LTBP1: variants seen among roughly 807,000 people sequenced by gnomAD.
LTBP1 encodes latent-transforming growth factor beta-binding protein 1.
In LTBP1, 129 loss-of-function variants were observed where a neutral mutation model predicts 207.6. The observed-to-expected ratio is 0.62, with a 90% confidence interval of 0.54 to 0.72. LTBP1 has a LOEUF of 0.72. Among genes scored for constraint, LTBP1 ranks in the 30% least tolerant of loss-of-function variants. LTBP1 has a pLI of 0.00. For synonymous variants in LTBP1, 963 were observed against 833.7 expected (o/e 1.16, Z -2.67); for missense variants, 2,281 against 2,217.2 (o/e 1.03, Z -0.58).
rs550238941 is a variant in LTBP1, at chr2:33,039,075, C to A, written c.863+17869C>A. On this transcript the variant is annotated intron_variant, in intron 3 of 33. Coordinates refer to ENST00000404816, the MANE Select transcript of LTBP1 (RefSeq NM_206943.4). ...TGCTCAGTAGTTTCATTTGGGCAGT[C>A]TCTAGCTCTCACAAACATGTACTCG... 1.0e-3 allele frequency among the ~76,000 whole-genome samples: 155 copies of A among 152,320 alleles called. 1 individual carries two copies. The highest frequency in any genetic ancestry group is 3.6e-3 in the African/African-American group (150 of 41,570).
intron 18 of LTBP1, among the ~76,000 whole-genome samples, chr2:33,278,239 A>C (rs2093486658): frequency 6.6e-6 from 1 of 152,188 alleles, no homozygotes; most frequent in Non-Finnish European, 1.5e-5. Context: ...TATGTACTTA[A>C]ATTGGAAGCT....
chr2:33,254,852 GTTTTTTTTTTTTTTT>G (rs70938393), intron 11 of LTBP1, among the ~76,000 whole-genome samples: 7 of 10,364 alleles, frequency 6.8e-4, no homozygotes, highest in South Asian at 6.8e-3. Flanking sequence ...GCGGTGTTTG[GTTTTTTTTTTTTTTT>G]TTTTTTTTTT....
At chr2:33,367,351 A>T (rs2095003028) in intron 31 of LTBP1, among the ~76,000 whole-genome samples, 1 of 152,148 alleles carries the variant, frequency 6.6e-6, no homozygotes, top group African/African-American at 2.4e-5. Context: ...AGAACTTAAA[A>T]TTTTTTTATA....
At position 33,288,335 on chromosome 2, in the gene LTBP1, C is replaced by G. The variant is rs534274089; in HGVS notation, c.3113-4825C>G. On this transcript the variant is annotated intron_variant, in intron 19 of 33. Coordinates refer to ENST00000404816, the MANE Select transcript of LTBP1 (RefSeq NM_206943.4). ...ACCCTCTGTACATGGTGGGCTGTGC[C>G]CACCAGGGAGGGGCTTGAGACAGTC... Among the ~76,000 whole-genome samples the G allele has an allele frequency of 4.7e-5, 7 of 150,408 alleles. No individual in the cohort carries two copies. In the East Asian group the frequency reaches 1.4e-3, roughly 29 times the overall value.
At chr2:33,259,784 A>C (rs1260693717) in intron 13 of LTBP1, among the ~76,000 whole-genome samples, 174 bp downstream of exon 13, 2 of 152,146 alleles carry the variant, frequency 1.3e-5, no homozygotes, top group Non-Finnish European at 2.9e-5. Context: ...CCATTGTCAT[A>C]GATTGGGACT....
chr2:33,361,390 G>A (rs1329196426), intron 27 of LTBP1, 39 bp from the exon 28 acceptor site: 3 of 1,238,734 alleles, frequency 2.4e-6, no homozygotes, highest in Admixed American at 2.3e-5. Flanking sequence ...CATGGAAGAT[G>A]TTGAATCTTT....
intron 3 of LTBP1, among the ~76,000 whole-genome samples, chr2:33,074,605 C>A (rs917830747): frequency 2.2e-4 from 33 of 152,276 alleles, no homozygotes; most frequent in Non-Finnish European, 3.2e-4. Flanking sequence ...CACAGTGGCT[C>A]ACGCCTGTAA....
At chr2:33,293,078 T>C (rs566139796) in intron 19 of LTBP1, 82 bp from the exon 20 acceptor site, 32 of 1,437,400 alleles carry the variant, frequency 2.2e-5, no homozygotes, top group Non-Finnish European at 2.8e-5. Context: ...GTCTACTGTT[T>C]CCATTTCTAA....
chr2:33,148,163 A>G (rs769318121), intron 5 of LTBP1, among the ~76,000 whole-genome samples: 25 of 152,248 alleles, frequency 1.6e-4, no homozygotes, highest in Non-Finnish European at 2.8e-4. Context: ...AGGAAGGTGG[A>G]AGGGGAGATA....
chr2:33,102,157 G>A (rs1485000136), intron 3 of LTBP1, among the ~76,000 whole-genome samples: 1 of 152,112 alleles, frequency 6.6e-6, no homozygotes, highest in African/African-American at 2.4e-5. Flanking sequence ...CTGTAAACCT[G>A]TCTGTCATTG....
chr2:33,193,592 G>A (rs1169099282), intron 7 of LTBP1, among the ~76,000 whole-genome samples: 1 of 152,154 alleles, frequency 6.6e-6, no homozygotes, highest in Non-Finnish European at 1.5e-5. Flanking sequence ...TTGAATGAAG[G>A]TTCTGGCAGC....
At chr2:33,363,625 G>T in intron 29 of LTBP1, 107 bp downstream of exon 29, 1 of 1,250,878 alleles carries the variant, frequency 8.0e-7, no homozygotes. Context: ...ATCATGTGTT[G>T]AAAAGATGTG....
chr2:33,169,578 G>A (rs2085237696), intron 5 of LTBP1, among the ~76,000 whole-genome samples: 1 of 152,164 alleles, frequency 6.6e-6, no homozygotes, highest in Non-Finnish European at 1.5e-5. Context: ...ACTTGGAGGG[G>A]TAATAGCTTT....
chr2:33,188,704 A>G lies in LTBP1; in HGVS notation c.1554A>G (p.Gln518=), dbSNP rs776823686. 3.1e-6 allele frequency: 5 copies of G among 1,614,018 alleles called. No individual in the cohort carries two copies. Among genetic ancestry groups the G allele is most frequent in the East Asian group, 4.5e-5 (2 of 44,880 alleles). ...AGACAAAAGAAGCTCAACCAGGCCA[A>G]TCCCAAGTCTCGTACCAAGGGCTTC... ...GQKTKEAQPG[Q]SQVSYQGLPV... Residue 518 remains glutamine, a synonymous_variant, in exon 7 of 34, where the codon CAA becomes CAG. Transcript: ENST00000404816.
chr2:33,134,711 T>C lies in LTBP1; in HGVS notation c.1034-82T>C. On this transcript the variant is annotated intron_variant, in intron 4 of 33. Transcript: ENST00000404816. The surrounding 1 kb of genome is among the most constrained non-coding windows in gnomAD (Gnocchi z 4.4). ...TGCTCCTTTCTTTTCTTTTTTTCTG[T>C]TTTTTTAAACCTTCCAAGGCAAGTT... The C allele has an allele frequency of 6.2e-7, 1 of 1,607,798 alleles. No homozygotes were observed. Among genetic ancestry groups the C allele is most frequent in the Non-Finnish European group, 8.5e-7 (1 of 1,178,108 alleles).
At chr2:33,144,816 T>C (rs2082887136) in intron 5 of LTBP1, among the ~76,000 whole-genome samples, 1 of 152,230 alleles carries the variant, frequency 6.6e-6, no homozygotes, top group Non-Finnish European at 1.5e-5. Flanking sequence ...AAGAGGTGTG[T>C]ATATGGGTGT....
intron 2 of LTBP1, among the ~76,000 whole-genome samples, chr2:33,010,066 G>A (rs1198882284): frequency 6.6e-6 from 1 of 152,162 alleles, no homozygotes; most frequent in Admixed American, 6.5e-5. Context: ...TGGCAGTGAA[G>A]TGGGAGAAGG....
chr2:33,123,703 C>T (rs2081276871), intron 4 of LTBP1, among the ~76,000 whole-genome samples: 1 of 152,150 alleles, frequency 6.6e-6, no homozygotes, highest in Non-Finnish European at 1.5e-5. Context: ...GAAATTTGGA[C>T]ATAGGCTTCT....
intron 7 of LTBP1, among the ~76,000 whole-genome samples, chr2:33,215,386 T>A (rs932946989): frequency 1.3e-5 from 2 of 152,224 alleles, no homozygotes; most frequent in South Asian, 2.1e-4. Context: ...TATCATATAC[T>A]GCTGTTGGAG....
Sources: gnomAD v4.1 joint callset for allele counts (sites outside exome capture counted in the v4.1 genomes callset) on GRCh38, gnomAD v4.1.1 for gene constraint, Gnocchi (gnomAD v3.1) non-coding constraint, MANE v1.5 for transcripts, NCBI Gene and HGNC (gene_info 2026-07-23, HGNC 2026-07-21) for gene names.